Variants in OLFM3 observed in about 807,000 individuals in gnomAD.
OLFM3 encodes the protein noelin-3.
A neutral mutation model predicts 48.6 loss-of-function variants in OLFM3; 20 were observed. That is an observed-to-expected ratio of 0.41 (90% confidence interval 0.29 to 0.60). The LOEUF (loss-of-function observed/expected upper bound fraction) is 0.60. Ranked by LOEUF, OLFM3 falls within the 20% of genes least tolerant of loss-of-function variation. The pLI, the probability that OLFM3 is intolerant of heterozygous loss-of-function variation, is 0.28. For missense variants in OLFM3, 437 were observed against 544.3 expected (o/e 0.80, Z 1.96); for synonymous variants, 222 against 198.1 (o/e 1.12, Z -1.01).
chr1:101,847,916 G>A (rs1656076315), intron 1 of OLFM3, among the ~76,000 whole-genome samples: 1 of 152,128 alleles, frequency 6.6e-6, no homozygotes. Context: ...TTAGCCATAT[G>A]ACTGGCCGGT....
chr1:101,870,216 C>A (rs1319415362), intron 1 of OLFM3, among the ~76,000 whole-genome samples: 1 of 151,994 alleles, frequency 6.6e-6, no homozygotes, highest in African/African-American at 2.4e-5. Context: ...GTGGATATAT[C>A]TCTTTGTAGC....
chr1:101,921,079 A>G (rs778328158), intron 1 of OLFM3, among the ~76,000 whole-genome samples: 43 of 152,126 alleles, frequency 2.8e-4, no homozygotes, highest in Admixed American at 7.2e-4. Context: ...TATTTTAAAG[A>G]TGCTCAATGG....
rs180758459 is a variant in OLFM3 at position 101,903,771 on chromosome 1, T to C, written c.70-66746A>G. Among the ~76,000 whole-genome samples the C allele has an allele frequency of 2.0e-5, 3 of 152,188 alleles. No individual in the cohort carries two copies. The East Asian group carries it at 5.8e-4, about 29-fold the overall frequency. On this transcript the variant is annotated intron_variant, in intron 1 of 5. Transcript: ENST00000370103. The stretch of plus-strand genomic sequence containing the variant: ...AATGCACGTCCTTCTTAAGGAAATT[T>C]GGTATCTGAAAAACTGAAACAAAAC...
At chr1:101,991,016 A>AAAAAAAAAAAAAAAAAAAAT in intron 1 of OLFM3, among the ~76,000 whole-genome samples, 1 of 32,200 alleles carries the variant, frequency 3.1e-5, no homozygotes, top group Non-Finnish European at 5.2e-5. Context: ...AAAAAAAAAA[A>AAAAAAAAAAAAAAAAAAAAT]ATATATATAT....
intron 1 of OLFM3, chr1:101,909,931 G>C (rs1429688212): frequency 1.0e-6 from 1 of 982,048 alleles, no homozygotes; most frequent in Admixed American, 6.2e-5. Flanking sequence ...TGGTGTCCAG[G>C]TAAACTATAG....
intron 1 of OLFM3, among the ~76,000 whole-genome samples, chr1:101,992,788 A>G (rs1661450723): frequency 6.6e-6 from 1 of 152,164 alleles, no homozygotes; most frequent in Non-Finnish European, 1.5e-5. Flanking sequence ...ACATTCAACA[A>G]TATAATTATT....
chr1:101,996,790 G>T lies in OLFM3; in HGVS notation c.27C>A (p.Asn9Lys), dbSNP rs1661573118. The change falls in exon 1 of 6, where the codon AAC becomes AAA. Residue 9 changes from asparagine to lysine, a missense_variant. Physicochemically the swap from Asn to Lys is moderately conservative, Grantham distance 94 (BLOSUM62 0). Around this residue, in one of 3 missense-constraint regions of OLFM3, gnomAD observed 314 missense variants for 365.5 expected, o/e 0.86. Coordinates refer to ENST00000370103, the MANE Select transcript of OLFM3 (RefSeq NM_058170.4). ...CGGCAAACAAAGACAGCAGCAGGAG[G>T]TTGAGAAGGTTGGACGTCGCCTGCA... MQATSNLL[N>K]LLLLSLFAGL... The T allele has an allele frequency of 6.2e-7, 1 of 1,614,240 alleles. No individual in the cohort carries two copies. The highest frequency in any genetic ancestry group is 8.5e-7 in the Non-Finnish European group (1 of 1,180,046).
At chr1:101,871,987 G>A (rs1003563897) in intron 1 of OLFM3, among the ~76,000 whole-genome samples, 3 of 152,084 alleles carry the variant, frequency 2.0e-5, no homozygotes, top group African/African-American at 7.2e-5. Flanking sequence ...CTCACTTTGA[G>A]TTAAAGATTT....
At chr1:101,901,124 G>C (rs1266306341) in intron 1 of OLFM3, among the ~76,000 whole-genome samples, 1 of 151,874 alleles carries the variant, frequency 6.6e-6, no homozygotes, top group African/African-American at 2.4e-5. Context: ...TAACAAACTG[G>C]TTAAGACTAC....
chr1:101,969,133 C>A (rs1327993583), intron 1 of OLFM3, among the ~76,000 whole-genome samples: 1 of 151,992 alleles, frequency 6.6e-6, no homozygotes, highest in Non-Finnish European at 1.5e-5. Flanking sequence ...ACTAACTAAA[C>A]CATGTCTTAC....
At chr1:101,856,996 T>C (rs1403444892) in intron 1 of OLFM3, among the ~76,000 whole-genome samples, 2 of 151,944 alleles carry the variant, frequency 1.3e-5, no homozygotes, top group Non-Finnish European at 2.9e-5. Context: ...TAAATTCAGA[T>C]CTAAATTTCT....
intron 1 of OLFM3, among the ~76,000 whole-genome samples, chr1:101,875,077 G>C (rs1014455644): frequency 6.6e-6 from 1 of 151,780 alleles, no homozygotes; most frequent in Non-Finnish European, 1.5e-5. Flanking sequence ...AAAGATATTA[G>C]TTTATGAAAA....
chr1:101,812,060 TCA>T (rs1654081804), intron 4 of OLFM3, among the ~76,000 whole-genome samples: 3 of 152,106 alleles, frequency 2.0e-5, no homozygotes, highest in Non-Finnish European at 4.4e-5. Flanking sequence ...CTGGAAACCA[TCA>T]TTCTCAGCAA....
intron 1 of OLFM3, among the ~76,000 whole-genome samples, chr1:101,940,320 T>G (rs1179801029): frequency 6.6e-6 from 1 of 151,358 alleles, no homozygotes; most frequent in East Asian, 1.9e-4. Flanking sequence ...AGGATCCATG[T>G]GCTATGGAAA....
At chr1:101,822,199 T>C (rs187994585) in intron 4 of OLFM3, among the ~76,000 whole-genome samples, 1 of 152,184 alleles carries the variant, frequency 6.6e-6, no homozygotes, top group Admixed American at 6.6e-5. Flanking sequence ...AATATAGAAC[T>C]ACCCAACTGC....
chr1:101,884,368 G>A (rs1657658526), intron 1 of OLFM3, among the ~76,000 whole-genome samples: 1 of 151,934 alleles, frequency 6.6e-6, no homozygotes, highest in African/African-American at 2.4e-5. Context: ...AGCAACCTCT[G>A]TTAACCAAGA....
At chr1:101,925,263 T>C (rs1219535147) in intron 1 of OLFM3, among the ~76,000 whole-genome samples, 1 of 151,998 alleles carries the variant, frequency 6.6e-6, no homozygotes, top group Non-Finnish European at 1.5e-5. Flanking sequence ...TCTTTTTTTT[T>C]TCTATAATAT....
Position 101,803,232 on chromosome 1 carries a change from G to C in OLFM3, c.*1006C>G, listed in dbSNP as rs1223060895. 6.6e-6 allele frequency: 1 copy of C among 152,016 alleles called. No individual in the cohort carries two copies. The highest frequency in any genetic ancestry group is 2.4e-5 in the African/African-American group (1 of 41,342). The allele number at this position is 152,016 out of a possible 1,614,324, so 9.4% of individuals were successfully genotyped here. A position where few individuals can be genotyped will look rare whatever the true frequency, so the allele number is the denominator to read the frequency against. On this transcript the variant is annotated 3_prime_UTR_variant, in exon 6 of 6. Transcript: ENST00000370103. ...GACATAAGGAATTTCATTATTGCAA[G>C]TTGTATGTAAAATATAAATTAAATG...
At chr1:101,895,386 T>G (rs1446145199) in intron 1 of OLFM3, among the ~76,000 whole-genome samples, 2 of 150,946 alleles carry the variant, frequency 1.3e-5, no homozygotes, top group Non-Finnish European at 3.0e-5. Context: ...ACTTATGTGC[T>G]ATTCTACCTT....
Sources: allele counts gnomAD v4.1 joint callset (sites outside exome capture counted in the v4.1 genomes callset), GRCh38; gene constraint gnomAD v4.1.1; regional missense constraint gnomAD v4.1.1; transcripts MANE v1.5; gene names NCBI Gene and HGNC (gene_info 2026-07-23, HGNC 2026-07-21).